The following NLGN1 variants were observed in gnomAD, a reference collection of about 807,000 sequenced individuals.
NLGN1 encodes neuroligin 1, also known as neuroligin-1.
Under a neutral mutation model 65.5 loss-of-function variants are expected in NLGN1, and 12 were observed. The ratio of observed to expected loss-of-function variants is 0.18; its 90% CI spans 0.12 to 0.30. The LOEUF (loss-of-function observed/expected upper bound fraction) is 0.30, where lower values mean the gene tolerates loss of function less well. Ranked by LOEUF, NLGN1 falls within the 10% of genes least tolerant of loss-of-function variation. The pLI is 1.00. For missense variants in NLGN1, 750 were observed against 1,007.1 expected, an observed-to-expected ratio of 0.74 and a Z score of 3.46; for synonymous variants, 350 against 359.5, an observed-to-expected ratio of 0.97 and a Z score of 0.30.
intron 4 of NLGN1, among the ~76,000 whole-genome samples, chr3:173,900,558 C>G (rs1309225714): frequency 1.3e-5 from 2 of 152,036 alleles, no homozygotes; most frequent in African/African-American, 4.8e-5. Context: ...ATAACTCTAT[C>G]TCCATCTCTG....
chr3:173,476,859 A>G (rs949686226), intron 2 of NLGN1, among the ~76,000 whole-genome samples: 1 of 152,210 alleles, frequency 6.6e-6, no homozygotes, highest in Non-Finnish European at 1.5e-5. Flanking sequence ...AAGATCTACC[A>G]TTCTCCATTA....
chr3:174,293,746 G>C, the NLGN1 span, among the ~76,000 whole-genome samples: 10 of 151,586 alleles, frequency 6.6e-5, no homozygotes, highest in Non-Finnish European at 1.3e-4. Flanking sequence ...GAACAGCTCA[G>C]AGTGTGAAGC....
chr3:173,695,546 AT>A (rs1766086001), intron 3 of NLGN1: 2 of 350,410 alleles, frequency 5.7e-6, no homozygotes, highest in Admixed American at 3.7e-5. Context: ...TTATCTTACT[AT>A]TTTTCAGTGC....
At chr3:173,976,129 A>G (rs7653214) in intron 4 of NLGN1, among the ~76,000 whole-genome samples, 3,230 of 152,130 alleles carry the variant, frequency 0.021, 106 homozygotes, top group African/African-American at 0.074. Context: ...GGTTTTTATT[A>G]CGTTATTCAA....
intron 3 of NLGN1, among the ~76,000 whole-genome samples, chr3:173,686,870 T>C (rs1764758921): frequency 1.3e-5 from 2 of 152,114 alleles, no homozygotes; most frequent in Non-Finnish European, 2.9e-5. Context: ...GGAGAATTGC[T>C]TGAACCCGGC....
At chr3:173,461,791 G>A (rs955695821) in intron 2 of NLGN1, among the ~76,000 whole-genome samples, 3 of 151,962 alleles carry the variant, frequency 2.0e-5, no homozygotes, top group South Asian at 2.1e-4. Context: ...CTGGTTTCTC[G>A]TTTTGCCTCC....
intron 4 of NLGN1, among the ~76,000 whole-genome samples, chr3:174,232,821 T>G (rs1484796385): frequency 6.6e-6 from 1 of 152,208 alleles, no homozygotes; most frequent in African/African-American, 2.4e-5. Flanking sequence ...ATGTTTCCTT[T>G]CAGATTTTAA....
chr3:173,579,301 T>C (rs1441607025), intron 2 of NLGN1, among the ~76,000 whole-genome samples: 1 of 152,140 alleles, frequency 6.6e-6, no homozygotes, highest in East Asian at 1.9e-4. Context: ...TAGTGAATCC[T>C]TGTCTCTAGA....
At chr3:173,808,821 A>G (rs1011343093) in intron 4 of NLGN1, among the ~76,000 whole-genome samples, 8 of 152,298 alleles carry the variant, frequency 5.3e-5, no homozygotes, top group Non-Finnish European at 8.8e-5. Flanking sequence ...AAAGATTCTG[A>G]AAAAGGAATT....
intron 2 of NLGN1, among the ~76,000 whole-genome samples, chr3:173,455,987 C>T (rs924204821): frequency 3.9e-5 from 6 of 152,018 alleles, no homozygotes; most frequent in African/African-American, 1.4e-4. Context: ...ATTGAACATT[C>T]CTCCACCTTT....
At chr3:174,102,372 C>G (rs1406742648) in intron 4 of NLGN1, among the ~76,000 whole-genome samples, 1 of 152,042 alleles carries the variant, frequency 6.6e-6, no homozygotes, top group Non-Finnish European at 1.5e-5. Flanking sequence ...TTAGAAGGAT[C>G]TATTTGCTTT....
intron 3 of NLGN1, among the ~76,000 whole-genome samples, chr3:173,751,839 C>T (rs1317397882): frequency 1.3e-5 from 2 of 152,108 alleles, no homozygotes; most frequent in Non-Finnish European, 2.9e-5. Flanking sequence ...AATCATCCCT[C>T]AAGTTAAGTT....
At chr3:174,129,389 ACACACACAC>A in intron 4 of NLGN1, among the ~76,000 whole-genome samples, 1 of 147,048 alleles carries the variant, frequency 6.8e-6, no homozygotes, top group South Asian at 2.2e-4. Context: ...ACACACACAC[ACACACACAC>A]ACTCATTCAT....
At chr3:174,101,656 T>A (rs1712510185) in intron 4 of NLGN1, among the ~76,000 whole-genome samples, 1 of 152,196 alleles carries the variant, frequency 6.6e-6, no homozygotes, top group South Asian at 2.1e-4. Context: ...CCTCTTAAAG[T>A]CAAAAACGTG....
rs1031179804 is a variant in NLGN1 at position 173,643,185 on chromosome 3, A to G, written c.493+38094A>G. ...AGCTTTGGCGACCTATCTGTGGCACAACTTTAAGAGACCTCATATGTGCAT... is the reference window on the plus strand; with the variant it reads ...AGCTTTGGCGACCTATCTGTGGCACGACTTTAAGAGACCTCATATGTGCAT... On this transcript the variant is annotated intron_variant, in intron 3 of 6. Coordinates refer to ENST00000457714, the Ensembl canonical transcript of NLGN1. 3.1e-4 allele frequency among the ~76,000 whole-genome samples: 47 copies of G among 152,348 alleles called. 1 individual carries two copies. The highest frequency in any genetic ancestry group is 3.4e-4 in the Non-Finnish European group (23 of 68,036).
intron 2 of NLGN1, among the ~76,000 whole-genome samples, chr3:173,575,207 AT>A (rs1156750619): frequency 5.3e-5 from 8 of 152,078 alleles, no homozygotes; most frequent in African/African-American, 1.7e-4. Context: ...AAAATAAAAA[AT>A]AAAAAAATAA....
At chr3:174,134,730 ACT>A (rs771021693) in intron 4 of NLGN1, among the ~76,000 whole-genome samples, 192 of 152,090 alleles carry the variant, frequency 1.3e-3, no homozygotes, top group Non-Finnish European at 1.8e-3. Flanking sequence ...TTCTGAGGAA[ACT>A]CTCGTATGCC....
chr3:173,775,581 A>G (rs1360718605), intron 3 of NLGN1, among the ~76,000 whole-genome samples: 1 of 152,092 alleles, frequency 6.6e-6, no homozygotes, highest in Non-Finnish European at 1.5e-5. Context: ...CCCAATAAAC[A>G]TTAGTTACTG....
intron 4 of NLGN1, among the ~76,000 whole-genome samples, chr3:173,833,891 A>G (rs111487167): frequency 1.3e-5 from 2 of 152,266 alleles, no homozygotes; most frequent in African/African-American, 2.4e-5. Flanking sequence ...ATATGGCTTC[A>G]AGATTCTGTG....
Sources: gnomAD v4.1 joint callset for allele counts (sites outside exome capture counted in the v4.1 genomes callset) on GRCh38, gnomAD v4.1.1 for gene constraint, MANE v1.5 for transcripts, NCBI Gene and HGNC (gene_info 2026-07-23, HGNC 2026-07-21) for gene names.